Variants in GDPD1 observed in about 807,000 individuals in gnomAD.
GDPD1 encodes glycerophosphodiester phosphodiesterase domain containing 1.
A neutral mutation model predicts 45.1 loss-of-function variants in GDPD1; 28 were observed. That is an observed-to-expected ratio of 0.62 (90% confidence interval 0.46 to 0.85). The LOEUF is 0.85. GDPD1 is among the 40% of genes least tolerant of loss of function. GDPD1 has a pLI of 0.00. For missense variants in GDPD1, 256 were observed against 364.8 expected, an observed-to-expected ratio of 0.70 and a Z score of 2.43; for synonymous variants, 139 against 131.4, an observed-to-expected ratio of 1.06 and a Z score of -0.40.
intron 1 of GDPD1, among the ~76,000 whole-genome samples, chr17:59,231,324 CTTTTTT>C (rs557850341): frequency 1.3e-4 from 15 of 114,400 alleles, no homozygotes; most frequent in African/African-American, 5.3e-4. Context: ...TTCTTTCTTT[CTTTTTT>C]TTTTTTTTTT....
intron 6 of GDPD1, among the ~76,000 whole-genome samples, chr17:59,259,001 C>A (rs2047331277): frequency 6.6e-6 from 1 of 151,156 alleles, no homozygotes; most frequent in African/African-American, 2.4e-5. Flanking sequence ...TTGCCTGTAA[C>A]ACAGCCCTCA....
chr17:59,224,438 A>G (rs919156090), intron 1 of GDPD1, among the ~76,000 whole-genome samples: 5 of 152,014 alleles, frequency 3.3e-5, no homozygotes, highest in African/African-American at 1.2e-4. Flanking sequence ...CTGGCTAACG[A>G]TGGTGAAACA....
At chr17:59,247,717 C>A (rs1322226611) in intron 3 of GDPD1, among the ~76,000 whole-genome samples, 1 of 152,024 alleles carries the variant, frequency 6.6e-6, no homozygotes. Context: ...GCAACCTCCG[C>A]CTCCCGGGTT....
At chr17:59,243,904 T>C (rs1333731222) in intron 2 of GDPD1, among the ~76,000 whole-genome samples, 1 of 152,114 alleles carries the variant, frequency 6.6e-6, no homozygotes, top group South Asian at 2.1e-4. Flanking sequence ...CCCAACACCA[T>C]AAACATTAGA....
chr17:59,263,123 CA>C (rs2047370883), intron 6 of GDPD1, among the ~76,000 whole-genome samples: 1 of 152,080 alleles, frequency 6.6e-6, no homozygotes. Flanking sequence ...CATCAAGTGT[CA>C]CCTTTTGAGG....
At chr17:59,257,418 T>C (rs938120488) in intron 5 of GDPD1, among the ~76,000 whole-genome samples, 178 bp downstream of exon 5, 1 of 152,154 alleles carries the variant, frequency 6.6e-6, no homozygotes, top group African/African-American at 2.4e-5. Context: ...AGAGAGCCTA[T>C]TTTCAGAGAG....
intron 7 of GDPD1, among the ~76,000 whole-genome samples, chr17:59,269,236 G>C (rs2047425474): frequency 1.3e-5 from 2 of 152,054 alleles, no homozygotes; most frequent in African/African-American, 2.4e-5. Context: ...GGTGGAGGTT[G>C]CAGTGAGTCG....
At chr17:59,261,082 C>T (rs1286642244) in intron 6 of GDPD1, among the ~76,000 whole-genome samples, 1 of 152,180 alleles carries the variant, frequency 6.6e-6, no homozygotes, top group Non-Finnish European at 1.5e-5. Context: ...TCTCCTGCCT[C>T]AGACTCCCGA....
intron 4 of GDPD1, among the ~76,000 whole-genome samples, chr17:59,250,232 G>A (rs573587775): frequency 2.5e-4 from 38 of 152,178 alleles, no homozygotes; most frequent in South Asian, 1.0e-3. Flanking sequence ...TAATATTTGT[G>A]TCAATTTTGG....
Position 59,273,736 on chromosome 17 carries a change from C to A in GDPD1, c.908C>A (p.Thr303Lys). 1 of 1,583,226 alleles carries A rather than the reference C, an allele frequency of 6.3e-7. No homozygotes were observed. The highest frequency in any genetic ancestry group is 8.6e-7 in the Non-Finnish European group (1 of 1,163,684). Residue 303 changes from threonine to lysine, a missense_variant, in exon 10 of 10, where the codon ACA (threonine) becomes AAA (lysine). Transcript: ENST00000284116. ...ACTGGGGTGATGACAGACTATCCAA[C>A]AAAGCTTAGGGATTTTTTACATAAC... Reference protein sequence around the residue: ...GATGVMTDYPTKLRDFLHNFS... With the variant: ...GATGVMTDYPKKLRDFLHNFS...
chr17:59,253,839 C>T (rs2047274838), intron 4 of GDPD1, among the ~76,000 whole-genome samples: 1 of 151,996 alleles, frequency 6.6e-6, no homozygotes, highest in Admixed American at 6.6e-5. Flanking sequence ...ATGCCCATCC[C>T]CGAGGGTGAA....
intron 6 of GDPD1, among the ~76,000 whole-genome samples, chr17:59,260,307 T>C (rs1216309736): frequency 6.6e-6 from 1 of 151,822 alleles, no homozygotes; most frequent in Non-Finnish European, 1.5e-5. Context: ...TTTGGGAGGC[T>C]GAGGCGGGTG....
chr17:59,241,013 CTG>C (rs1429421774), intron 2 of GDPD1, among the ~76,000 whole-genome samples: 1 of 152,150 alleles, frequency 6.6e-6, no homozygotes, highest in African/African-American at 2.4e-5. Flanking sequence ...GTACTTAACA[CTG>C]TGTTACATTT....
intron 1 of GDPD1, 23 bp from the exon 2 acceptor site, chr17:59,234,469 A>G: frequency 6.8e-7 from 1 of 1,466,134 alleles, no homozygotes; most frequent in Non-Finnish European, 9.5e-7. Flanking sequence ...CAAAATAAGT[A>G]AATATAGTTT....
At chr17:59,263,483 C>CTTTTTTTTT (rs537639356) in intron 6 of GDPD1, among the ~76,000 whole-genome samples, 114,586 of 120,290 alleles carry the variant, frequency 0.95, 54,948 homozygotes, top group Middle Eastern at 0.97. Context: ...TTTTCCTTTC[C>CTTTTTTTTT]TTTTTTTTTT....
At chr17:59,231,066 A>G (rs1568338480) in intron 1 of GDPD1, among the ~76,000 whole-genome samples, 3 of 152,182 alleles carry the variant, frequency 2.0e-5, no homozygotes, top group Non-Finnish European at 4.4e-5. Flanking sequence ...TGCATGGGTC[A>G]CCAGGGACAT....
chr17:59,270,462 G>A (rs1195108665), intron 7 of GDPD1, among the ~76,000 whole-genome samples: 4 of 151,914 alleles, frequency 2.6e-5, no homozygotes, highest in African/African-American at 7.3e-5. Flanking sequence ...GCCTCCCAAA[G>A]TGCTGGGATT....
intron 7 of GDPD1, 75 bp downstream of exon 7, chr17:59,267,249 A>G (rs528038479): frequency 7.8e-6 from 10 of 1,286,790 alleles, no homozygotes; most frequent in Middle Eastern, 3.8e-4. Context: ...ACTAATATCA[A>G]TATCAATGAT....
At position 59,248,726 on chromosome 17, in the gene GDPD1, A is replaced by G. The variant is rs768197171; in HGVS notation, c.322-14A>G. ...TTGAGAGTTAACTTTTTTTTCAATCATATCTTTTTAAAGGAGCTCCCACCT... is the reference window on the plus strand; with the variant it reads ...TTGAGAGTTAACTTTTTTTTCAATCGTATCTTTTTAAAGGAGCTCCCACCT... On this transcript the variant is annotated splice_polypyrimidine_tract_variant and intron_variant, in intron 3 of 9. Transcript: ENST00000284116. 3.2e-6 allele frequency: 5 copies of G among 1,573,566 alleles called. No homozygotes were observed. Among genetic ancestry groups the G allele is most frequent in the Non-Finnish European group, 4.3e-6 (5 of 1,156,540 alleles).
Sources: allele counts gnomAD v4.1 joint callset (sites outside exome capture counted in the v4.1 genomes callset), GRCh38; gene constraint gnomAD v4.1.1; transcripts MANE v1.5; gene names NCBI Gene and HGNC (gene_info 2026-07-23, HGNC 2026-07-21).